TMC5: variants seen among roughly 807,000 people sequenced by gnomAD.
TMC5 encodes the protein transmembrane channel like 5.
Under a neutral mutation model 110.5 loss-of-function variants are expected in TMC5, and 86 were observed. That is an observed-to-expected ratio of 0.78 (90% CI 0.65 to 0.93). TMC5 has a LOEUF of 0.93. Ranked by LOEUF, TMC5 falls within the 40% of genes least tolerant of loss-of-function variation. The pLI, the probability that TMC5 is intolerant of heterozygous loss-of-function variation, is 0.00. For missense variants in TMC5, 1,144 were observed against 1,222.8 expected, an observed-to-expected ratio of 0.94 and a Z score of 0.96; for synonymous variants, 455 against 439.5, an observed-to-expected ratio of 1.04 and a Z score of -0.44.
chr16:19,411,907 A>G (rs1487880971), intron 1 of TMC5, among the ~76,000 whole-genome samples: 3 of 152,192 alleles, frequency 2.0e-5, no homozygotes, highest in African/African-American at 4.8e-5. Context: ...AAGTCACCCC[A>G]TGTTACCTGG....
chr16:19,455,271 A>G (rs1208112605), intron 5 of TMC5, among the ~76,000 whole-genome samples: 1 of 151,666 alleles, frequency 6.6e-6, no homozygotes, highest in Non-Finnish European at 1.5e-5. Flanking sequence ...AACATGGTGA[A>G]ACCTCGTCTC....
At chr16:19,422,223 T>C (rs1966999857) in intron 1 of TMC5, among the ~76,000 whole-genome samples, 2 of 143,344 alleles carry the variant, frequency 1.4e-5, no homozygotes. Flanking sequence ...AGAGCTAGAC[T>C]CCATTTCAAA....
chr16:19,445,990 G>C (rs919083308), intron 4 of TMC5, among the ~76,000 whole-genome samples: 1 of 148,450 alleles, frequency 6.7e-6, no homozygotes, highest in Non-Finnish European at 1.5e-5. Context: ...ACTCTGGCCT[G>C]AGTGACAAAG....
In TMC5 at chr16:19,422,928, A is replaced by G. The variant is rs530549974; in HGVS notation, c.-308+4836A>G. ...GAGCCATTGCACTCCAGCCTGGGCCACAGAGCGAGACTCAGTCTGGATGTT... is the reference window on the plus strand; with the variant it reads ...GAGCCATTGCACTCCAGCCTGGGCCGCAGAGCGAGACTCAGTCTGGATGTT... On this transcript the variant is annotated intron_variant, in intron 1 of 21. Transcript: ENST00000542583. Among the ~76,000 whole-genome samples, 3 of 152,278 alleles carry G rather than the reference A, an allele frequency of 2.0e-5. No individual in the cohort carries two copies. In the South Asian group the frequency reaches 6.2e-4, roughly 32 times the overall value.
At chr16:19,470,721 TAAAAAAA>T (rs60087070) in intron 10 of TMC5, among the ~76,000 whole-genome samples, 2 of 41,306 alleles carry the variant, frequency 4.8e-5, no homozygotes, top group African/African-American at 7.9e-5. Flanking sequence ...ACAAACTTAT[TAAAAAAA>T]AAAAAAAAAA....
At chr16:19,456,779 C>T (rs1271126101) in intron 5 of TMC5, 1 of 1,613,930 alleles carries the variant, frequency 6.2e-7, no homozygotes, top group African/African-American at 1.3e-5. Flanking sequence ...CCAAAGCCAC[C>T]CATCCTCAAA....
intron 4 of TMC5, among the ~76,000 whole-genome samples, chr16:19,448,314 A>ACG (rs1967664058): frequency 6.6e-6 from 1 of 151,752 alleles, no homozygotes; most frequent in Non-Finnish European, 1.5e-5. Context: ...GCACACACAC[A>ACG]CACACACACA....
chr16:19,415,052 G>A (rs1445254517), upstream of TMC5, among the ~76,000 whole-genome samples: 2 of 152,120 alleles, frequency 1.3e-5, no homozygotes, highest in Non-Finnish European at 2.9e-5. Flanking sequence ...AGCAAATACT[G>A]AAAAGTATCT....
Position 19,474,124 on chromosome 16 carries a change from G to A in TMC5, c.1939-1G>A. 1 of 1,613,354 alleles carries A rather than the reference G, an allele frequency of 6.2e-7. No homozygotes were observed. Among genetic ancestry groups the A allele is most frequent in the African/African-American group, 1.3e-5 (1 of 75,010 alleles). On this transcript the variant is annotated splice_acceptor_variant, in intron 11 of 21. Transcript: ENST00000542583. LOFTEE classifies it high-confidence loss of function. ...TCCGTTCTCTCCCCCATCCCCTGCA[G>A]TTCCTGAAGACACACAGTAACCCTG...
chr16:19,443,266 G>A (rs992275603), intron 3 of TMC5, among the ~76,000 whole-genome samples: 1 of 152,132 alleles, frequency 6.6e-6, no homozygotes, highest in African/African-American at 2.4e-5. Flanking sequence ...AGTAAATTGA[G>A]AATCATTACT....
intron 6 of TMC5, among the ~76,000 whole-genome samples, chr16:19,461,275 T>C (rs1430998821): frequency 2.0e-5 from 3 of 152,140 alleles, no homozygotes; most frequent in Non-Finnish European, 2.9e-5. Flanking sequence ...ATAAAATCTT[T>C]ACTTAAAAAA....
intron 2 of TMC5, among the ~76,000 whole-genome samples, chr16:19,439,541 A>G (rs566446337): frequency 6.6e-6 from 1 of 152,308 alleles, no homozygotes; most frequent in East Asian, 1.9e-4. Context: ...TCTCTCTCAC[A>G]TAATAGTCTT....
chr16:19,451,235 A>G (rs1333654100), intron 5 of TMC5, among the ~76,000 whole-genome samples: 5 of 152,204 alleles, frequency 3.3e-5, no homozygotes, highest in Non-Finnish European at 7.3e-5. Flanking sequence ...CAAGGAATAA[A>G]GTAATGAGGT....
chr16:19,424,589 C>T (rs1967052469), intron 1 of TMC5, among the ~76,000 whole-genome samples: 1 of 152,094 alleles, frequency 6.6e-6, no homozygotes, highest in East Asian at 1.9e-4. Flanking sequence ...GCAGAGGTTG[C>T]AGTGAGCCGA....
At chr16:19,435,745 G>A (rs74013775) in intron 2 of TMC5, among the ~76,000 whole-genome samples, 26,814 of 152,064 alleles carry the variant, frequency 0.18, 2,415 homozygotes, top group Middle Eastern at 0.23. Context: ...TACTTTGCCT[G>A]CTTTTGAACT....
chr16:19,442,878 G>A (rs2143477694), intron 3 of TMC5, among the ~76,000 whole-genome samples: 1 of 152,266 alleles, frequency 6.6e-6, no homozygotes, highest in East Asian at 1.9e-4. Context: ...TGTCCTCCTT[G>A]GTCTTATCAC....
chr16:19,482,663 AACAC>A (rs1167442206), intron 15 of TMC5, among the ~76,000 whole-genome samples: 2 of 152,220 alleles, frequency 1.3e-5, no homozygotes, highest in Non-Finnish European at 2.9e-5. Context: ...AGAATAAAGA[AACAC>A]ACAGAGAGGG....
Position 19,463,284 on chromosome 16 carries a change from A to G in TMC5, c.1153A>G (p.Ile385Val). The G allele has an allele frequency of 6.2e-7, 1 of 1,612,926 alleles. No homozygotes were observed. Among genetic ancestry groups the G allele is most frequent in the South Asian group, 1.1e-5 (1 of 91,046 alleles). ...TMEEKRNLRK[I>V]VDKEKSKQTH... ...TTCTCTTGCTGTTCCCTACAGGAAAATAGTTGACAAAGAAAAAAGCAAACA... is the reference window on the plus strand; with the variant it reads ...TTCTCTTGCTGTTCCCTACAGGAAAGTAGTTGACAAAGAAAAAAGCAAACA... Residue 385 changes from isoleucine (I) to valine (V), a missense_variant, in exon 7 of 22, where the codon ATA becomes GTA. Coordinates refer to ENST00000542583, the MANE Select transcript of TMC5 (RefSeq NM_001261841.2).
chr16:19,450,183 G>A lies in TMC5; in HGVS notation c.1048+552G>A, dbSNP rs1030678115. On this transcript the variant is annotated intron_variant, in intron 5 of 21. Transcript: ENST00000542583. Reference sequence around the variant, plus strand: ...AGTTTGTTGTCTTCTGGGGATCAGGGTGTCTTCATTAGGAATCTTCTGGTT... The same window carrying A: ...AGTTTGTTGTCTTCTGGGGATCAGGATGTCTTCATTAGGAATCTTCTGGTT... Among the ~76,000 whole-genome samples the A allele has an allele frequency of 2.0e-5, 3 of 152,134 alleles. No homozygotes were observed. The East Asian group carries it at 5.8e-4, about 29-fold the overall frequency.
Sources: allele counts gnomAD v4.1 joint callset (sites outside exome capture counted in the v4.1 genomes callset), GRCh38; gene constraint gnomAD v4.1.1; transcripts MANE v1.5; gene names NCBI Gene and HGNC (gene_info 2026-07-23, HGNC 2026-07-21).